CHL1: variants seen among roughly 807,000 people sequenced by gnomAD.
The protein encoded by CHL1 is neural cell adhesion molecule L1-like protein.
In CHL1, 96 loss-of-function variants were observed where a neutral mutation model predicts 141.9. The ratio of observed to expected loss-of-function variants is 0.68; its 90% CI spans 0.57 to 0.80. The LOEUF (loss-of-function observed/expected upper bound fraction) is 0.80. Ranked by LOEUF, CHL1 falls within the 30% of genes least tolerant of loss-of-function variation. The pLI, the probability that CHL1 is intolerant of heterozygous loss-of-function variation, is 0.00. For missense variants in CHL1, 1,820 were observed against 1,457.2 expected, an observed-to-expected ratio of 1.25 and a Z score of -4.05; for synonymous variants, 613 against 502.2, an observed-to-expected ratio of 1.22 and a Z score of -2.95.
chr3:237,138 C>T (rs995247090), intron 1 of CHL1, among the ~76,000 whole-genome samples: 2 of 152,174 alleles, frequency 1.3e-5, no homozygotes, highest in Non-Finnish European at 2.9e-5. Flanking sequence ...TTGTAATCCC[C>T]ATGTGTTGGG....
intron 2 of CHL1, among the ~76,000 whole-genome samples, chr3:281,260 T>G (rs1696625550): frequency 6.6e-6 from 1 of 152,190 alleles, no homozygotes; most frequent in African/African-American, 2.4e-5. Context: ...TCATAGTTAT[T>G]CCTTCTTCCA....
chr3:354,603 G>C (rs1315936995), intron 10 of CHL1, 37 bp from the exon 11 acceptor site: 5 of 1,574,684 alleles, frequency 3.2e-6, no homozygotes, highest in Non-Finnish European at 4.3e-6. Flanking sequence ...TTTTGACATA[G>C]ATAACATCTC....
chr3:371,974 C>T (rs1406885898), intron 15 of CHL1, among the ~76,000 whole-genome samples: 2 of 152,118 alleles, frequency 1.3e-5, no homozygotes, highest in African/African-American at 4.8e-5. Flanking sequence ...CTGAGAGGTC[C>T]ACCGTTAGTC....
chr3:226,374 T>TTA (rs56305108), intron 1 of CHL1, among the ~76,000 whole-genome samples: 1,905 of 144,260 alleles, frequency 0.013, 35 homozygotes, highest in African/African-American at 0.041. Context: ...ATAGAATATT[T>TTA]TATATATATA....
intron 5 of CHL1, among the ~76,000 whole-genome samples, chr3:338,373 C>T (rs763813304): frequency 1.3e-5 from 2 of 152,170 alleles, no homozygotes; most frequent in Non-Finnish European, 2.9e-5. Flanking sequence ...TGTCCAAACT[C>T]AGCAATGCTA....
intron 2 of CHL1, among the ~76,000 whole-genome samples, chr3:270,074 C>T (rs373485172): frequency 5.6e-4 from 85 of 152,222 alleles, no homozygotes; most frequent in African/African-American, 1.8e-3. Flanking sequence ...AAAGAGACAA[C>T]GCTCTTTTAT....
intron 3 of CHL1, 118 bp from the exon 4 acceptor site, chr3:325,841 C>G: frequency 1.7e-6 from 1 of 585,408 alleles, no homozygotes. Flanking sequence ...CTGATTTTCA[C>G]TTTTGTATCA....
At chr3:280,277 G>T (rs1180688385) in intron 2 of CHL1, among the ~76,000 whole-genome samples, 1 of 151,682 alleles carries the variant, frequency 6.6e-6, no homozygotes, top group African/African-American at 2.4e-5. Flanking sequence ...GAGGGATTTT[G>T]CAAGGGATTT....
intron 10 of CHL1, among the ~76,000 whole-genome samples, chr3:351,317 T>C (rs1197825774): frequency 6.6e-6 from 1 of 152,198 alleles, no homozygotes; most frequent in Non-Finnish European, 1.5e-5. Context: ...GAGATGTAAA[T>C]GATGTTTTTA....
At chr3:338,288 G>A (rs1026197352) in intron 5 of CHL1, among the ~76,000 whole-genome samples, 4 of 152,004 alleles carry the variant, frequency 2.6e-5, no homozygotes, top group African/African-American at 9.7e-5. Context: ...AAATATATTG[G>A]CAAGATAAAG....
At chr3:274,600 A>G (rs1326427941) in intron 2 of CHL1, among the ~76,000 whole-genome samples, 1 of 152,154 alleles carries the variant, frequency 6.6e-6, no homozygotes, top group Non-Finnish European at 1.5e-5. Context: ...TTTTTACTCT[A>G]GTGAGCTGTA....
chr3:310,892 C>G (rs1704849861), intron 2 of CHL1, among the ~76,000 whole-genome samples: 2 of 152,244 alleles, frequency 1.3e-5, no homozygotes, highest in African/African-American at 2.4e-5. Context: ...TTCATTCCCT[C>G]TTCTCCCTTA....
chr3:321,340 T>G (rs1168866582), intron 3 of CHL1, among the ~76,000 whole-genome samples: 1 of 152,108 alleles, frequency 6.6e-6, no homozygotes, highest in Admixed American at 6.6e-5. Flanking sequence ...TACATTTGGC[T>G]GAAATCTTTC....
At chr3:303,456 C>T (rs1473545926) in intron 2 of CHL1, among the ~76,000 whole-genome samples, 1 of 152,172 alleles carries the variant, frequency 6.6e-6, no homozygotes, top group African/African-American at 2.4e-5. Flanking sequence ...CTTCACATCC[C>T]TTGTAAGTTG....
intron 16 of CHL1, among the ~76,000 whole-genome samples, chr3:380,124 C>G (rs1343886056): frequency 6.6e-6 from 1 of 152,162 alleles, no homozygotes; most frequent in Non-Finnish European, 1.5e-5. Flanking sequence ...CAGGAAGCTT[C>G]AGAAATCAGT....
intron 3 of CHL1, among the ~76,000 whole-genome samples, chr3:321,762 C>T (rs1322008792): frequency 6.6e-6 from 1 of 152,012 alleles, no homozygotes; most frequent in Non-Finnish European, 1.5e-5. Context: ...ATTTTCAGAA[C>T]ATCTGAATAT....
chr3:269,239 A>G (rs1695427275), intron 2 of CHL1, among the ~76,000 whole-genome samples: 1 of 152,204 alleles, frequency 6.6e-6, no homozygotes, highest in Non-Finnish European at 1.5e-5. Flanking sequence ...ATCATTTATG[A>G]TCAGATGGGA....
chr3:206,555 G>A (rs1481718000), intron 1 of CHL1, among the ~76,000 whole-genome samples: 16 of 151,954 alleles, frequency 1.1e-4, no homozygotes, highest in Non-Finnish European at 1.9e-4. Context: ...AAGACTCCAT[G>A]TCTACAAAAA....
chr3:354,512 A>G lies in CHL1; in HGVS notation c.1034-128A>G, dbSNP rs1327171468. Reference sequence around the variant, plus strand: ...TTGCTTTGCAGAGCAAGTTTACCAAAAAGAGCTACTATGAAACCCTTTGTG... The same window carrying G: ...TTGCTTTGCAGAGCAAGTTTACCAAGAAGAGCTACTATGAAACCCTTTGTG... On this transcript the variant is annotated intron_variant, in intron 10 of 27. Coordinates refer to ENST00000256509, the MANE Select transcript of CHL1 (RefSeq NM_006614.4). The G allele has an allele frequency of 5.7e-6, 6 of 1,045,994 alleles. No individual in the cohort carries two copies. In the East Asian group the frequency reaches 9.7e-5, roughly 17 times the overall value. The allele number at this position is 1,045,994 out of a possible 1,614,324, so 64.8% of individuals were successfully genotyped here.
Sources: gnomAD v4.1 joint callset for allele counts (sites outside exome capture counted in the v4.1 genomes callset) on GRCh38, gnomAD v4.1.1 for gene constraint, MANE v1.5 for transcripts, NCBI Gene and HGNC (gene_info 2026-07-23, HGNC 2026-07-21) for gene names.